Variants in FYTTD1 observed in about 807,000 individuals in gnomAD.
The protein encoded by FYTTD1 is forty-two-three domain containing 1, also known as UAP56-interacting factor.
In FYTTD1, 22 loss-of-function variants were observed where a neutral mutation model predicts 40.9. The observed-to-expected ratio is 0.54, with a 90% CI of 0.38 to 0.77. The LOEUF (loss-of-function observed/expected upper bound fraction) is 0.77, where lower values mean the gene tolerates loss of function less well. Among genes scored for constraint, FYTTD1 ranks in the 30% least tolerant of loss-of-function variants. The pLI is 0.00. For synonymous variants in FYTTD1, 140 were observed against 137.9 expected (o/e 1.01, Z -0.10); for missense variants, 351 against 392.2 (o/e 0.90, Z 0.89).
At chr3:197,774,633 A>G (rs1729819483) in intron 6 of FYTTD1, among the ~76,000 whole-genome samples, 1 of 150,856 alleles carries the variant, frequency 6.6e-6, no homozygotes, top group Non-Finnish European at 1.5e-5. Flanking sequence ...CTCGATGACC[A>G]GTGCACACCA....
intron 1 of FYTTD1, chr3:197,750,326 A>T (rs6806100): frequency 2.6e-6 from 3 of 1,139,486 alleles, no homozygotes; most frequent in African/African-American, 3.3e-5. Flanking sequence ...AGGCGGGGGC[A>T]GGGGCGCTGC....
intron 1 of FYTTD1, among the ~76,000 whole-genome samples, chr3:197,756,046 G>A (rs1187061559): frequency 1.3e-5 from 2 of 152,064 alleles, no homozygotes; most frequent in African/African-American, 4.8e-5. Context: ...AGGCTTCTGT[G>A]ATTATGGGAA....
chr3:197,750,921 C>T (rs547493870), intron 1 of FYTTD1: 2 of 863,984 alleles, frequency 2.3e-6, no homozygotes, highest in Non-Finnish European at 2.8e-6. Flanking sequence ...AAATCCAGCC[C>T]TGACACTACC....
chr3:197,774,848 C>T lies in FYTTD1; in HGVS notation c.656+638C>T, dbSNP rs181050138. Among the ~76,000 whole-genome samples, 473 of 152,226 alleles carry T rather than the reference C, an allele frequency of 3.1e-3. 11 individuals are homozygous for T. In the Middle Eastern group the frequency reaches 0.044, roughly 14 times the overall value. On this transcript the variant is annotated intron_variant, in intron 6 of 8. Transcript: ENST00000241502. ...ATCCTGAGCAGCATAGCTCGATGGC[C>T]AGTGCACACCAGCCTGAGCAGCATA...
intron 5 of FYTTD1, 25 bp downstream of exon 5, chr3:197,773,524 T>TTTG (rs770563272): frequency 9.2e-7 from 1 of 1,092,798 alleles, no homozygotes; most frequent in South Asian, 1.4e-5. Context: ...TGGCAGTGTT[T>TTTG]TTGTTTGTTT....
chr3:197,768,659 T>G, intron 3 of FYTTD1, 72 bp downstream of exon 3: 1 of 1,276,080 alleles, frequency 7.8e-7, no homozygotes, highest in South Asian at 1.9e-5. Context: ...GTGAATAAGC[T>G]TAAGAGAGAA....
intron 8 of FYTTD1, among the ~76,000 whole-genome samples, chr3:197,778,890 C>G (rs1729947875): frequency 6.6e-6 from 1 of 152,118 alleles, no homozygotes; most frequent in African/African-American, 2.4e-5. Context: ...TTCATTTCTC[C>G]CTGGTAAATA....
At position 197,750,412 on chromosome 3, in the gene FYTTD1, T is replaced by C. The variant is rs568014716; in HGVS notation, c.103+338T>C. The C allele has an allele frequency of 5.6e-5, 59 of 1,045,828 alleles. 1 individual carries two copies. The South Asian group carries it at 2.4e-3, about 43-fold the overall frequency. The allele number at this position is 1,045,828 out of a possible 1,614,324, so 64.8% of individuals were successfully genotyped here. A position where few individuals can be genotyped will look rare whatever the true frequency, so the allele number is the denominator to read the frequency against. Reference sequence around the variant, plus strand: ...GCTACGGCTCGCCGCTCGCCGGCTCTTTGTGAGGAAAGATCTGCCGGTTTC... The same window carrying C: ...GCTACGGCTCGCCGCTCGCCGGCTCCTTGTGAGGAAAGATCTGCCGGTTTC... On this transcript the variant is annotated intron_variant, in intron 1 of 8. Coordinates refer to ENST00000241502, the MANE Select transcript of FYTTD1 (RefSeq NM_032288.7).
chr3:197,755,602 T>C, intron 1 of FYTTD1: 1 of 217,766 alleles, frequency 4.6e-6, no homozygotes, highest in Non-Finnish European at 8.6e-6. Flanking sequence ...TGCACCGCCA[T>C]ACCCGGCTAA....
intron 7 of FYTTD1, among the ~76,000 whole-genome samples, chr3:197,777,649 A>G (rs915140782): frequency 6.6e-6 from 1 of 152,144 alleles, no homozygotes; most frequent in Admixed American, 6.5e-5. Flanking sequence ...ATACAGACCT[A>G]CGTTCTCTTT....
At chr3:197,756,303 C>A (rs1729211949) in intron 1 of FYTTD1, 123 bp from the exon 2 acceptor site, 1 of 699,058 alleles carries the variant, frequency 1.4e-6, no homozygotes, top group East Asian at 2.7e-5. Context: ...TTATTATCCT[C>A]TTATGGAAGT....
In FYTTD1 at chr3:197,778,356, A is replaced by C. The variant is rs1430526262; in HGVS notation, c.750A>C (p.Leu250Phe). The C allele has an allele frequency of 6.2e-7, 1 of 1,604,576 alleles. No individual in the cohort carries two copies. The highest frequency in any genetic ancestry group is 8.5e-7 in the Non-Finnish European group (1 of 1,176,618). Residue 250 changes from leucine (L) to phenylalanine (F), a missense_variant, in exon 8 of 9, where the codon TTA becomes TTC. Coordinates refer to ENST00000241502, the MANE Select transcript of FYTTD1 (RefSeq NM_032288.7). ...CTAATAGAACTCAGAAACCACGATT[A>C]ACTCGTACTGCTGTACCTTCATTTT... ...VQCPVTQKPR[L>F]TRTAVPSFLT...
At chr3:197,749,646 C>G, upstream of FYTTD1, 1 of 879,434 alleles carries the variant, frequency 1.1e-6, no homozygotes, top group Non-Finnish European at 1.7e-6. Context: ...GCATAAGATT[C>G]AGAGGTGCCC....
chr3:197,776,387 T>G (rs1729876538), intron 6 of FYTTD1, among the ~76,000 whole-genome samples: 2 of 141,814 alleles, frequency 1.4e-5, no homozygotes, highest in African/African-American at 5.7e-5. Flanking sequence ...TAAATTTGTT[T>G]TTTTTTTTTT....
In FYTTD1 at chr3:197,786,773, T is replaced by C. The variant is rs1191865314; in HGVS notation, c.*4864T>C. 6.6e-6 allele frequency: 1 copy of C among 152,196 alleles called. No individual in the cohort carries two copies. Among genetic ancestry groups the C allele is most frequent in the African/African-American group, 2.4e-5 (1 of 41,450 alleles). 9.4% of individuals were successfully genotyped at this position (152,196 alleles called of 1,614,324 possible). On this transcript the variant is annotated 3_prime_UTR_variant, in exon 9 of 9. Transcript: ENST00000241502. ...AGGAAGAGAATGGGATTCATACTGC[T>C]TGGAGTTTATAAAAGCGGAGTTTTT...
chr3:197,767,052 C>A (rs751377523), intron 2 of FYTTD1, among the ~76,000 whole-genome samples: 1 of 151,692 alleles, frequency 6.6e-6, no homozygotes, highest in Non-Finnish European at 1.5e-5. Flanking sequence ...CTGCAGTGAA[C>A]ATGTCTATTT....
chr3:197,753,499 A>G (rs771037488), intron 1 of FYTTD1, among the ~76,000 whole-genome samples: 24 of 151,968 alleles, frequency 1.6e-4, no homozygotes, highest in Admixed American at 3.3e-4. Context: ...AGTGCTATGG[A>G]AGAAACTTAA....
At chr3:197,766,926 T>C (rs527626141) in intron 2 of FYTTD1, among the ~76,000 whole-genome samples, 5 of 152,148 alleles carry the variant, frequency 3.3e-5, no homozygotes, top group African/African-American at 1.2e-4. Flanking sequence ...TTTTAAAATA[T>C]ATGTATACAA....
chr3:197,750,215 C>A, intron 1 of FYTTD1, 141 bp downstream of exon 1: 1 of 836,764 alleles, frequency 1.2e-6, no homozygotes, highest in Non-Finnish European at 1.7e-6. Flanking sequence ...AGCGGAGGCC[C>A]GGAGGACAGC....
Sources: allele counts gnomAD v4.1 joint callset (sites outside exome capture counted in the v4.1 genomes callset), GRCh38; gene constraint gnomAD v4.1.1; transcripts MANE v1.5; gene names NCBI Gene and HGNC (gene_info 2026-07-23, HGNC 2026-07-21).